The following ATN1 variants were observed in gnomAD, a reference collection of about 807,000 sequenced individuals.
The protein encoded by ATN1 is atrophin-1.
In ATN1, 19 loss-of-function variants were observed where a neutral mutation model predicts 85.8. That is an observed-to-expected ratio of 0.22 (90% CI 0.15 to 0.32). ATN1 has a LOEUF of 0.32. Ranked by LOEUF, ATN1 falls within the 10% of genes least tolerant of loss-of-function variation. ATN1 has a pLI of 1.00. For synonymous variants in ATN1, 674 were observed against 657.0 expected (o/e 1.03, Z -0.39); for missense variants, 1,453 against 1,564.5 (o/e 0.93, Z 1.20).
At chr12:6,931,596 C>G (rs1555143067) in intron 1 of ATN1, among the ~76,000 whole-genome samples, 1 of 151,400 alleles carries the variant, frequency 6.6e-6, no homozygotes, top group African/African-American at 2.4e-5. Flanking sequence ...CGCTTGTAAT[C>G]CCAGCTACTT....
chr12:6,935,408 G>A lies in ATN1; in HGVS notation c.280-139G>A. 1.1e-6 allele frequency: 1 copy of A among 921,886 alleles called. No homozygotes were observed. Among genetic ancestry groups the A allele is most frequent in the East Asian group, 2.6e-5 (1 of 37,760 alleles). The allele number at this position is 921,886 out of a possible 1,614,324, so 57.1% of individuals were successfully genotyped here. On this transcript the variant is annotated intron_variant, in intron 4 of 9. Coordinates refer to ENST00000396684, the MANE Select transcript of ATN1 (RefSeq NM_001940.4). The surrounding 1 kb of genome is among the most constrained non-coding windows in gnomAD (Gnocchi z 5.3). ...AGTGAGAAATCCCCAGATGGTAAGA[G>A]GTGGGCTTGAGCAAGAGTACTCACC...
In ATN1 at chr12:6,941,803, A is replaced by ATGGC. The variant is rs782072360; in HGVS notation, c.*25_*28dup. On this transcript the variant is annotated 3_prime_UTR_variant, in exon 10 of 10. Coordinates refer to ENST00000396684, the MANE Select transcript of ATN1 (RefSeq NM_001940.4). This position sits in a 1 kb window ranked among gnomAD's most constrained non-coding sequence, Gnocchi z 5.9. The stretch of plus-strand genomic sequence containing the variant: ...TAGAACCTGCGATCAAGAGAGCACC[A>ATGGC]TGGCTCCTACATTGGACCTTGGAGC... The ATGGC allele has an allele frequency of 2.7e-5, 43 of 1,613,148 alleles. No homozygotes were observed. The highest frequency in any genetic ancestry group is 1.6e-4 in the Middle Eastern group (1 of 6,080).
chr12:6,936,722 A>AG lies in ATN1; in HGVS notation c.1455_1456insG (p.Gln486AlafsTer38), dbSNP rs1945540231. Reference sequence around the variant, plus strand: ...CAACACATCACCATCACCACCAGCAACAGCAACAGCAGCAGCAGCAGCAGC... The same window carrying AG: ...CAACACATCACCATCACCACCAGCAAGCAGCAACAGCAGCAGCAGCAGCAGC... On this transcript the variant is annotated frameshift_variant, in exon 5 of 10. Coordinates refer to ENST00000396684, the MANE Select transcript of ATN1 (RefSeq NM_001940.4). LOFTEE classifies it high-confidence loss of function. 38 of 1,525,088 alleles carry AG rather than the reference A, an allele frequency of 2.5e-5. No individual in the cohort carries two copies. Among genetic ancestry groups the AG allele is most frequent in the Non-Finnish European group, 3.1e-5 (36 of 1,143,676 alleles). 94.5% of individuals were successfully genotyped at this position (1,525,088 alleles called of 1,614,324 possible). A position where few individuals can be genotyped will look rare whatever the true frequency, so the allele number is the denominator to read the frequency against.
intron 7 of ATN1, among the ~76,000 whole-genome samples, chr12:6,940,334 C>T (rs369468978): frequency 7.2e-5 from 11 of 152,242 alleles, no homozygotes; most frequent in South Asian, 6.2e-4. Context: ...GGCGCGATCT[C>T]GGCTCACTGC....
chr12:6,937,927 G>T lies in ATN1; in HGVS notation c.2377G>T (p.Ala793Ser). 1.9e-6 allele frequency: 3 copies of T among 1,593,082 alleles called. No individual in the cohort carries two copies. Among genetic ancestry groups the T allele is most frequent in the Non-Finnish European group, 2.6e-6 (3 of 1,170,536 alleles). Residue 793 changes from alanine (A) to serine (S), a missense_variant, in exon 6 of 10, where the codon GCC becomes TCC. This residue lies in a region of ATN1 where 990 missense variants were observed against 914.8 expected (regional missense o/e 1.08). Transcript: ENST00000396684. This position sits in a 1 kb window ranked among gnomAD's most constrained non-coding sequence, Gnocchi z 6.0. ...YFVPLEGSKL[A>S]KKRADLVEKV... Reference sequence around the variant, plus strand: ...CGTGCCACTGGAGGGCTCCAAGCTGGCCAAGAAGCGGGCCGACCTGGTGGA... The same window carrying T: ...CGTGCCACTGGAGGGCTCCAAGCTGTCCAAGAAGCGGGCCGACCTGGTGGA...
In ATN1 at chr12:6,941,349, T is replaced by C; in HGVS notation, c.3359-25T>C. On this transcript the variant is annotated intron_variant, in intron 8 of 9. Transcript: ENST00000396684. The surrounding 1 kb of genome is among the most constrained non-coding windows in gnomAD (Gnocchi z 5.9). ...AGGTACTTGTTATCCGTTGGTCATATGCCCCTTGCCCTTCCTGCTCACAGC... is the reference window on the plus strand; with the variant it reads ...AGGTACTTGTTATCCGTTGGTCATACGCCCCTTGCCCTTCCTGCTCACAGC... The C allele has an allele frequency of 1.3e-6, 2 of 1,570,980 alleles. No homozygotes were observed. Among genetic ancestry groups the C allele is most frequent in the East Asian group, 2.3e-5 (1 of 44,378 alleles).
At chr12:6,928,930 C>G (rs1321114802) in intron 1 of ATN1, among the ~76,000 whole-genome samples, 3 of 152,104 alleles carry the variant, frequency 2.0e-5, no homozygotes, top group African/African-American at 7.2e-5. Context: ...GGGATTGTGG[C>G]TGATGAACCT....
At position 6,930,846 on chromosome 12, in the gene ATN1, G is replaced by GCC. The variant is rs751459460; in HGVS notation, c.-163+2462_-163+2463insCC. Among the ~76,000 whole-genome samples, 25 of 152,280 alleles carry GCC rather than the reference G, an allele frequency of 1.6e-4. 1 individual carries two copies. The highest frequency in any genetic ancestry group is 1.9e-4 in the East Asian group (1 of 5,186). On this transcript the variant is annotated intron_variant, in intron 1 of 9. Transcript: ENST00000396684. ...AATAAATAAAATAAAGCAAGGTAATGAAGGTGAATGTGCTTAGTATGTGGC... is the reference window on the plus strand; with the variant it reads ...AATAAATAAAATAAAGCAAGGTAATGCCAAGGTGAATGTGCTTAGTATGTGGC...
chr12:6,937,493 C>T lies in ATN1; in HGVS notation c.2226C>T (p.Pro742=). 1 of 1,545,230 alleles carries T rather than the reference C, an allele frequency of 6.5e-7. No homozygotes were observed. Among genetic ancestry groups the T allele is most frequent in the Non-Finnish European group, 8.7e-7 (1 of 1,146,898 alleles). The change falls in exon 5 of 10, where the codon CCC becomes CCT. Residue 742 remains proline, a synonymous_variant. Coordinates refer to ENST00000396684, the MANE Select transcript of ATN1 (RefSeq NM_001940.4). The surrounding 1 kb of genome is among the most constrained non-coding windows in gnomAD (Gnocchi z 6.0). ...EEYETPESPV[P]PARSPSPPPK... ...ATGAGACCCCCGAGAGCCCGGTGCC[C>T]CCAGCCCGCAGCCCCTCGCCCCCTC...
In ATN1 at chr12:6,934,703, A is replaced by C. The variant is rs1555143373; in HGVS notation, c.279+125A>C. On this transcript the variant is annotated intron_variant, in intron 4 of 9. Coordinates refer to ENST00000396684, the MANE Select transcript of ATN1 (RefSeq NM_001940.4). The surrounding 1 kb of genome is among the most constrained non-coding windows in gnomAD (Gnocchi z 4.5). ...AGAGAAAGGCCAGATCATAGTGCTT[A>C]TGAGAGCAGTTCTGTCTATAATATG... The C allele has an allele frequency of 1.4e-6, 1 of 711,498 alleles. No individual in the cohort carries two copies. Among genetic ancestry groups the C allele is most frequent in the African/African-American group, 1.8e-5 (1 of 56,364 alleles). The allele number at this position is 711,498 out of a possible 1,614,324, so 44.1% of individuals were successfully genotyped here.
rs1446500930 is a variant in ATN1 at position 6,941,226 on chromosome 12, AC to A, written c.3359-145del. On this transcript the variant is annotated intron_variant, in intron 8 of 9. Transcript: ENST00000396684. The surrounding 1 kb of genome is among the most constrained non-coding windows in gnomAD (Gnocchi z 5.9). Reference sequence around the variant, plus strand: ...CCTAAGAGGTTCGAATCCCAATTCCACCCTACCACTGGCAACTTACAGAACT... The same window carrying A: ...CCTAAGAGGTTCGAATCCCAATTCCACCTACCACTGGCAACTTACAGAACT... 72 of 1,200,750 alleles carry A rather than the reference AC, an allele frequency of 6.0e-5. No individual in the cohort carries two copies. The African/African-American group carries it at 8.7e-4, about 15-fold the overall frequency. The allele number at this position is 1,200,750 out of a possible 1,614,324, so 74.4% of individuals were successfully genotyped here.
Position 6,939,022 on chromosome 12 carries a change from G to A in ATN1, c.3059G>A (p.Arg1020Gln), listed in dbSNP as rs1253028361. 1.8e-5 allele frequency: 29 copies of A among 1,610,760 alleles called. No individual in the cohort carries two copies. The highest frequency in any genetic ancestry group is 2.4e-5 in the Non-Finnish European group (28 of 1,180,006). ...ALRPDMSYAE[R>Q]LAAERQHAER... Reference sequence around the variant, plus strand: ...CGGCCTGACATGTCCTATGCTGAGCGGCTGGCAGCTGAGAGGCAGCACGCA... The same window carrying A: ...CGGCCTGACATGTCCTATGCTGAGCAGCTGGCAGCTGAGAGGCAGCACGCA... Residue 1020 changes from arginine (R) to glutamine (Q), a missense_variant, in exon 7 of 10, where the codon CGG (arginine) becomes CAG (glutamine). Physicochemically the swap from Arg to Gln is conservative, Grantham distance 43. Transcript: ENST00000396684.
chr12:6,941,820 C>A lies in ATN1; in HGVS notation c.*40C>A. 3.1e-6 allele frequency: 5 copies of A among 1,606,382 alleles called. No homozygotes were observed. Among genetic ancestry groups the A allele is most frequent in the Non-Finnish European group, 4.3e-6 (5 of 1,173,046 alleles). Reference sequence around the variant, plus strand: ...AGAGCACCATGGCTCCTACATTGGACCTTGGAGCACCCCCACCCTCCCCCC... The same window carrying A: ...AGAGCACCATGGCTCCTACATTGGAACTTGGAGCACCCCCACCCTCCCCCC... On this transcript the variant is annotated 3_prime_UTR_variant, in exon 10 of 10. Coordinates refer to ENST00000396684, the MANE Select transcript of ATN1 (RefSeq NM_001940.4). This position sits in a 1 kb window ranked among gnomAD's most constrained non-coding sequence, Gnocchi z 5.9.
intron 1 of ATN1, among the ~76,000 whole-genome samples, chr12:6,929,623 G>T (rs1034283563): frequency 6.6e-6 from 1 of 152,168 alleles, no homozygotes; most frequent in Non-Finnish European, 1.5e-5. Context: ...TTTGGAGGTT[G>T]TTTCTGGATC....
At chr12:6,924,793 CCT>C (rs1945380443), upstream of ATN1, among the ~76,000 whole-genome samples, 1 of 152,126 alleles carries the variant, frequency 6.6e-6, no homozygotes, top group Admixed American at 6.5e-5. Context: ...TTCCTCTGTG[CCT>C]CTCAGTTTTC....
At position 6,936,722 on chromosome 12, in the gene ATN1, ACAGCAACAGCAGCAGCAGCAG is replaced by A. The variant is rs1425701161; in HGVS notation, c.1461_1481del (p.Gln496_Gln502del). ...CAACACATCACCATCACCACCAGCA[ACAGCAACAGCAGCAGCAGCAG>A]CAGCAGCAGCAGCAGCAGCAGCAGC... On this transcript the variant is annotated inframe_deletion, in exon 5 of 10. Transcript: ENST00000396684. 3.1e-5 allele frequency: 47 copies of A among 1,525,122 alleles called. No homozygotes were observed. The highest frequency in any genetic ancestry group is 5.6e-5 in the African/African-American group (3 of 53,326). 94.5% of individuals were successfully genotyped at this position (1,525,122 alleles called of 1,614,324 possible).
rs1555144660 is a variant in ATN1 at position 6,941,591 on chromosome 12, C to T, written c.3539+37C>T. ...TGCCCCAGCCCAGGGGACATGGGCT[C>T]AGCGAGCCTGGGAGGAGCTGTGGGC... On this transcript the variant is annotated intron_variant, in intron 9 of 9. Coordinates refer to ENST00000396684, the MANE Select transcript of ATN1 (RefSeq NM_001940.4). The surrounding 1 kb of genome is among the most constrained non-coding windows in gnomAD (Gnocchi z 5.9). 2.5e-6 allele frequency: 4 copies of T among 1,609,690 alleles called. No individual in the cohort carries two copies. Among genetic ancestry groups the T allele is most frequent in the Non-Finnish European group, 3.4e-6 (4 of 1,177,230 alleles).
chr12:6,938,898 C>T lies in ATN1; in HGVS notation c.2935C>T (p.Leu979=). The part of the protein sequence containing the change: ...DPFPRHGGLA[L]QPGPPGLHPF... The stretch of plus-strand genomic sequence containing the variant: ...CTTTCCCCGACATGGGGGCCTGGCT[C>T]TGCAGCCTGGCCCACCTGGCCTGCA... Residue 979 remains leucine, a synonymous_variant, in exon 7 of 10, where the codon CTG becomes TTG. Coordinates refer to ENST00000396684, the MANE Select transcript of ATN1 (RefSeq NM_001940.4). The T allele has an allele frequency of 6.2e-7, 1 of 1,614,130 alleles. No individual in the cohort carries two copies. Among genetic ancestry groups the T allele is most frequent in the Non-Finnish European group, 8.5e-7 (1 of 1,180,024 alleles).
Position 6,937,030 on chromosome 12 carries a change from C to G in ATN1, c.1763C>G (p.Pro588Arg), listed in dbSNP as rs782429745. ...TSQGSYPCSHPSPSQGPQGAP... is the reference protein window; with the variant it reads ...TSQGSYPCSHRSPSQGPQGAP... ...CAAGGGTCCTACCCATGTTCACACCCCTCCCCTTCCCAGGGCCCTCAAGGG... is the reference window on the plus strand; with the variant it reads ...CAAGGGTCCTACCCATGTTCACACCGCTCCCCTTCCCAGGGCCCTCAAGGG... The change falls in exon 5 of 10, where the codon CCC (proline) becomes CGC (arginine). Residue 588 changes from proline (P) to arginine (R), a missense_variant. Coordinates refer to ENST00000396684, the MANE Select transcript of ATN1 (RefSeq NM_001940.4). The surrounding 1 kb of genome is among the most constrained non-coding windows in gnomAD (Gnocchi z 6.0). 6.2e-7 allele frequency: 1 copy of G among 1,613,978 alleles called. No individual in the cohort carries two copies. Among genetic ancestry groups the G allele is most frequent in the South Asian group, 1.1e-5 (1 of 91,082 alleles).
Sources: allele counts gnomAD v4.1 joint callset (sites outside exome capture counted in the v4.1 genomes callset), GRCh38; gene constraint gnomAD v4.1.1; regional missense constraint gnomAD v4.1.1; non-coding constraint Gnocchi (gnomAD v3.1); transcripts MANE v1.5; gene names NCBI Gene and HGNC (gene_info 2026-07-23, HGNC 2026-07-21).